The following INO80 variants were observed in gnomAD, a reference collection of about 807,000 sequenced individuals.
INO80 encodes INO80 complex ATPase subunit.
Under a neutral mutation model 203.4 loss-of-function variants are expected in INO80, and 20 were observed. The ratio of observed to expected loss-of-function variants is 0.10; its 90% confidence interval spans 0.07 to 0.14. The LOEUF is 0.14. Among genes scored for constraint, INO80 ranks in the 10% least tolerant of loss-of-function variants. INO80 has a pLI of 1.00. For missense variants in INO80, 1,419 were observed against 1,914.4 expected (o/e 0.74, Z 4.83); for synonymous variants, 726 against 685.2 (o/e 1.06, Z -0.93).
chr15:41,079,588 A>C (rs1221299457), intron 9 of INO80, 113 bp downstream of exon 9: 21 of 1,040,572 alleles, frequency 2.0e-5, no homozygotes, highest in Admixed American at 1.3e-4. Context: ...AAAAAAAAAA[A>C]AACAAAAAAT....
intron 24 of INO80, among the ~76,000 whole-genome samples, chr15:41,041,970 G>A (rs1234652197): frequency 1.3e-5 from 2 of 150,728 alleles, no homozygotes; most frequent in African/African-American, 2.5e-5. Context: ...GAGTAGCTGG[G>A]ACTACAGGCA....
In INO80 at chr15:40,985,417, C is replaced by G; in HGVS notation, c.3842G>C (p.Arg1281Pro). The change falls in exon 32 of 36, where the codon CGG (arginine) becomes CCG (proline). Residue 1281 changes from arginine (R) to proline (P), a missense_variant. By Grantham distance (103) the Arg-to-Pro change is moderately radical (BLOSUM62 -2). Around this residue, in one of 9 missense-constraint regions of INO80, gnomAD observed 214 missense variants for 248.9 expected, o/e 0.86. Coordinates refer to ENST00000648947, the MANE Select transcript of INO80 (RefSeq NM_017553.3). ...DEELEKKLRL[R>P]QEEKRQQEET... ...CTCCTGTTGCCGTTTCTCTTCCTGCCGCAGCCTCACTATCAAGAAAATGAA... is the reference window on the plus strand; with the variant it reads ...CTCCTGTTGCCGTTTCTCTTCCTGCGGCAGCCTCACTATCAAGAAAATGAA... The G allele has an allele frequency of 2.5e-6, 4 of 1,613,022 alleles. No individual in the cohort carries two copies. The highest frequency in any genetic ancestry group is 3.4e-6 in the Non-Finnish European group (4 of 1,179,088).
intron 28 of INO80, among the ~76,000 whole-genome samples, chr15:41,001,889 A>C (rs2043964341): frequency 6.6e-6 from 1 of 152,192 alleles, no homozygotes; most frequent in South Asian, 2.1e-4. Context: ...AGTAATTAAA[A>C]TATTTGGGAA....
chr15:41,060,920 C>G (rs1027857361), intron 14 of INO80, among the ~76,000 whole-genome samples: 1 of 152,090 alleles, frequency 6.6e-6, no homozygotes, highest in Non-Finnish European at 1.5e-5. Context: ...TAAAAAATAA[C>G]CAGACATATA....
At chr15:41,089,417 T>C (rs2045602778) in intron 5 of INO80, among the ~76,000 whole-genome samples, 1 of 152,206 alleles carries the variant, frequency 6.6e-6, no homozygotes, top group Non-Finnish European at 1.5e-5. Context: ...TCTTCAAATA[T>C]ACTATTGCTC....
chr15:41,096,011 A>G (rs551442679), intron 2 of INO80, 83 bp from the exon 3 acceptor site: 1 of 1,440,646 alleles, frequency 6.9e-7, no homozygotes, highest in African/African-American at 1.4e-5. Flanking sequence ...TTTACAGAAG[A>G]AACTGTTCCT....
chr15:41,064,889 C>T (rs1316531607), intron 14 of INO80, among the ~76,000 whole-genome samples: 9 of 151,902 alleles, frequency 5.9e-5, no homozygotes, highest in Non-Finnish European at 7.4e-5. Context: ...CCCAGTTACA[C>T]GGGAGCTTGA....
chr15:41,033,028 C>T (rs1409443394), intron 24 of INO80, among the ~76,000 whole-genome samples: 3 of 151,934 alleles, frequency 2.0e-5, no homozygotes, highest in Admixed American at 6.6e-5. Flanking sequence ...ACAGAGACTC[C>T]GTCTCAACAA....
At chr15:41,012,585 T>C (rs1399909334) in intron 27 of INO80, among the ~76,000 whole-genome samples, 1 of 39,022 alleles carries the variant, frequency 2.6e-5, no homozygotes, top group Non-Finnish European at 6.0e-5. Context: ...AAAGATCCTA[T>C]AGGCGATTCA....
intron 7 of INO80, among the ~76,000 whole-genome samples, chr15:41,083,535 G>A (rs528644124): frequency 4.0e-5 from 6 of 151,168 alleles, no homozygotes; most frequent in Non-Finnish European, 8.9e-5. Flanking sequence ...GCGAAACCTC[G>A]TCTCTTCCAA....
In INO80 at chr15:41,081,079, A is replaced by G. The variant is rs745916298; in HGVS notation, c.874-6T>C. On this transcript the variant is annotated splice_region_variant and splice_polypyrimidine_tract_variant and intron_variant, in intron 7 of 35. Transcript: ENST00000648947. Reference sequence around the variant, plus strand: ...GAAGCTTTCTGCTTATTTGCCTAAAATATTTAAAAAACAATATTTCATTTA... The same window carrying G: ...GAAGCTTTCTGCTTATTTGCCTAAAGTATTTAAAAAACAATATTTCATTTA... The G allele has an allele frequency of 1.9e-6, 3 of 1,558,796 alleles. No individual in the cohort carries two copies.
intron 34 of INO80, among the ~76,000 whole-genome samples, chr15:40,983,380 G>T (rs1893909375): frequency 6.6e-6 from 1 of 152,002 alleles, no homozygotes; most frequent in Non-Finnish European, 1.5e-5. Context: ...TTGCTACCTG[G>T]GACTCATCTG....
intron 27 of INO80, among the ~76,000 whole-genome samples, chr15:41,006,046 T>C (rs1386784541): frequency 1.3e-5 from 2 of 151,828 alleles, no homozygotes; most frequent in Middle Eastern, 3.2e-3. Flanking sequence ...AAATACCTAC[T>C]TTTTTTGTCA....
intron 25 of INO80, among the ~76,000 whole-genome samples, chr15:41,021,567 T>C (rs1484660149): frequency 6.6e-6 from 1 of 152,240 alleles, no homozygotes; most frequent in Admixed American, 6.5e-5. Flanking sequence ...CCTGGCATAT[T>C]TGAAGTCATC....
intron 25 of INO80, chr15:41,024,726 T>C (rs2044350503): frequency 6.6e-6 from 1 of 152,226 alleles, no homozygotes; most frequent in Non-Finnish European, 1.5e-5. Flanking sequence ...ATTCCTTCCA[T>C]AGTGGCACAG....
At chr15:41,001,787 T>C (rs1308686889) in intron 28 of INO80, among the ~76,000 whole-genome samples, 1 of 152,234 alleles carries the variant, frequency 6.6e-6, no homozygotes, top group Admixed American at 6.5e-5. Flanking sequence ...TAAATGGCTT[T>C]TTATAGGCGT....
chr15:41,017,567 C>G (rs1344505402), intron 26 of INO80: 1 of 152,214 alleles, frequency 6.6e-6, no homozygotes, highest in Non-Finnish European at 1.5e-5. Flanking sequence ...ATTCTCTGTT[C>G]TTGCCACAAT....
At chr15:41,005,530 T>C in intron 28 of INO80, 63 bp downstream of exon 28, 1 of 778,192 alleles carries the variant, frequency 1.3e-6, no homozygotes, top group South Asian at 1.7e-5. Flanking sequence ...AAAAAAAAAC[T>C]TACCATTTCA....
Position 41,092,196 on chromosome 15 carries a change from A to C in INO80, c.382-14T>G. 6.4e-7 allele frequency: 1 copy of C among 1,567,446 alleles called. No homozygotes were observed. The highest frequency in any genetic ancestry group is 8.7e-7 in the Non-Finnish European group (1 of 1,145,092). On this transcript the variant is annotated splice_polypyrimidine_tract_variant and intron_variant, in intron 4 of 35. Transcript: ENST00000648947. ...TAGCAGAATGCTCTGAAAAGGGTGA[A>C]AATAGAAATGTATCTTTTGCTGTGA...
Sources: gnomAD v4.1 joint callset for allele counts (sites outside exome capture counted in the v4.1 genomes callset) on GRCh38, gnomAD v4.1.1 for gene constraint, gnomAD v4.1.1 regional missense constraint, MANE v1.5 for transcripts, NCBI Gene and HGNC (gene_info 2026-07-23, HGNC 2026-07-21) for gene names.